Variants in STXBP5 observed in about 807,000 individuals in gnomAD.
STXBP5 encodes syntaxin binding protein 5, also known as syntaxin-binding protein 5.
Under a neutral mutation model 152.4 loss-of-function variants are expected in STXBP5, and 50 were observed. The ratio of observed to expected loss-of-function variants is 0.33; its 90% CI spans 0.26 to 0.42. STXBP5 has a LOEUF of 0.42. Among genes scored for constraint, STXBP5 ranks in the 10% least tolerant of loss-of-function variants. STXBP5 has a pLI of 1.00. For synonymous variants in STXBP5, 492 were observed against 494.7 expected, an observed-to-expected ratio of 0.99 and a Z score of 0.07; for missense variants, 1,167 against 1,388.6, an observed-to-expected ratio of 0.84 and a Z score of 2.54.
intron 8 of STXBP5, among the ~76,000 whole-genome samples, chr6:147,283,403 C>G (rs973001866): frequency 6.6e-6 from 1 of 152,110 alleles, no homozygotes; most frequent in Admixed American, 6.6e-5. Flanking sequence ...AAACCTTTCC[C>G]CAGTTTATGT....
At chr6:147,310,374 T>C in intron 10 of STXBP5, 136 bp downstream of exon 10, 1 of 622,404 alleles carries the variant, frequency 1.6e-6, no homozygotes, top group Admixed American at 4.1e-5. Context: ...GCATTCATAA[T>C]CTACAAACTT....
intron 1 of STXBP5, among the ~76,000 whole-genome samples, chr6:147,205,371 C>CATATATACATATATAT (rs1776488909): frequency 2.1e-5 from 3 of 141,862 alleles, no homozygotes; most frequent in Non-Finnish European, 4.6e-5. Context: ...TAAAAGTGTG[C>CATATATACATATATAT]ATATATATAT....
At chr6:147,336,592 A>G (rs772606687) in intron 19 of STXBP5, among the ~76,000 whole-genome samples, 13 of 152,156 alleles carry the variant, frequency 8.5e-5, no homozygotes, top group Non-Finnish European at 1.8e-4. Context: ...ATTAGTAATT[A>G]AATTACAAGC....
At chr6:147,350,298 A>C (rs1008269070) in intron 21 of STXBP5, among the ~76,000 whole-genome samples, 1 of 152,124 alleles carries the variant, frequency 6.6e-6, no homozygotes, top group Non-Finnish European at 1.5e-5. Flanking sequence ...ACTTGAGCTT[A>C]TATAAAAATT....
At chr6:147,239,069 A>C in intron 3 of STXBP5, 101 bp from the exon 4 acceptor site, 1 of 1,024,618 alleles carries the variant, frequency 9.8e-7, no homozygotes, top group East Asian at 2.6e-5. Flanking sequence ...GTTGGCAGAA[A>C]GTTTTGAAAT....
At chr6:147,284,031 A>T (rs1477533908) in intron 8 of STXBP5, among the ~76,000 whole-genome samples, 1 of 152,256 alleles carries the variant, frequency 6.6e-6, no homozygotes, top group Non-Finnish European at 1.5e-5. Context: ...ACTAATTTTA[A>T]TAACATATTC....
intron 10 of STXBP5, among the ~76,000 whole-genome samples, chr6:147,310,529 GTGAT>G (rs5880703): frequency 0.52 from 78,197 of 150,056 alleles, 20,743 homozygotes; most frequent in Middle Eastern, 0.59. Context: ...AGGAGAGAAA[GTGAT>G]TGATTGATTG....
chr6:147,292,362 G>A (rs1374047161), intron 9 of STXBP5: 3 of 384,790 alleles, frequency 7.8e-6, no homozygotes, highest in Admixed American at 6.7e-5. Context: ...TTCATTGTGT[G>A]ACCTGTAGCA....
intron 22 of STXBP5, among the ~76,000 whole-genome samples, chr6:147,356,714 A>G (rs1183788261): frequency 4.6e-5 from 7 of 152,156 alleles, no homozygotes. Flanking sequence ...GGATATTTTT[A>G]ATCTATGAAT....
rs1376012334 is a variant in STXBP5 at position 147,363,585 on chromosome 6, C to T, written c.2796C>T (p.Asn932=). 4 of 1,614,178 alleles carry T rather than the reference C, an allele frequency of 2.5e-6. No individual in the cohort carries two copies. The highest frequency in any genetic ancestry group is 2.2e-5 in the South Asian group (2 of 91,078). ...QAKVISLPTQ[N]CAYKQNITET... Reference sequence around the variant, plus strand: ...AAGTAATCTCACTGCCAACCCAGAACTGTGCTTATAAGCAAAATATTACAG... The same window carrying T: ...AAGTAATCTCACTGCCAACCCAGAATTGTGCTTATAAGCAAAATATTACAG... Residue 932 remains asparagine (N), a synonymous_variant, in exon 24 of 28, where the codon AAC becomes AAT. Transcript: ENST00000321680.
At chr6:147,211,680 A>G (rs1776861608) in intron 2 of STXBP5, among the ~76,000 whole-genome samples, 1 of 152,164 alleles carries the variant, frequency 6.6e-6, no homozygotes, top group East Asian at 1.9e-4. Context: ...TCCACCTTCT[A>G]GGCTCAAGCA....
chr6:147,358,741 G>C (rs554151152), intron 22 of STXBP5, among the ~76,000 whole-genome samples: 1 of 152,204 alleles, frequency 6.6e-6, no homozygotes, highest in South Asian at 2.1e-4. Flanking sequence ...ATGTTATTAA[G>C]AAAATCATAA....
At chr6:147,250,423 G>A (rs987921537) in intron 4 of STXBP5, among the ~76,000 whole-genome samples, 1 of 152,102 alleles carries the variant, frequency 6.6e-6, no homozygotes, top group African/African-American at 2.4e-5. Context: ...AAAAAAAATA[G>A]TATATTTGCA....
rs1249365684 is a variant in STXBP5, at chr6:147,388,014, G to A, written c.*3259G>A. 1.3e-5 allele frequency: 2 copies of A among 151,764 alleles called. No individual in the cohort carries two copies. The highest frequency in any genetic ancestry group is 3.0e-5 in the Non-Finnish European group (2 of 67,778). 9.4% of individuals were successfully genotyped at this position (151,764 alleles called of 1,614,324 possible). A position where few individuals can be genotyped will look rare whatever the true frequency, so the allele number is the denominator to read the frequency against. ...ATGTTTTGCTTAAGGCATTTCTCAT[G>A]TGACATTAGAAAAGCTATATCCAAA... On this transcript the variant is annotated 3_prime_UTR_variant, in exon 28 of 28. Coordinates refer to ENST00000321680, the MANE Select transcript of STXBP5 (RefSeq NM_001127715.4).
At chr6:147,311,642 C>G (rs530164524) in intron 11 of STXBP5, 115 bp downstream of exon 11, 3 of 741,492 alleles carry the variant, frequency 4.0e-6, no homozygotes, top group Non-Finnish European at 6.5e-6. Context: ...TATCCATAAC[C>G]TTGACCTCTT....
intron 12 of STXBP5, 50 bp downstream of exon 12, chr6:147,314,081 A>G (rs944754638): frequency 3.9e-6 from 6 of 1,522,622 alleles, no homozygotes; most frequent in Admixed American, 2.0e-5. Flanking sequence ...TATTTATTCT[A>G]TATTTATCAC....
At chr6:147,350,757 C>T (rs1784554044) in intron 21 of STXBP5, among the ~76,000 whole-genome samples, 1 of 152,008 alleles carries the variant, frequency 6.6e-6, no homozygotes, top group Non-Finnish European at 1.5e-5. Context: ...GTTTATATCT[C>T]ACCTTATTAT....
chr6:147,337,180 T>TAC (rs1783868531), intron 19 of STXBP5, among the ~76,000 whole-genome samples: 1 of 49,780 alleles, frequency 2.0e-5, no homozygotes, highest in Admixed American at 2.2e-4. Context: ...TATATATATA[T>TAC]ACACATACAT....
At chr6:147,248,986 C>T (rs1212100146) in intron 4 of STXBP5, among the ~76,000 whole-genome samples, 1 of 152,116 alleles carries the variant, frequency 6.6e-6, no homozygotes, top group Non-Finnish European at 1.5e-5. Context: ...TAGGAGCATA[C>T]CCCCTGACAG....
Sources: gnomAD v4.1 joint callset for allele counts (sites outside exome capture counted in the v4.1 genomes callset) on GRCh38, gnomAD v4.1.1 for gene constraint, MANE v1.5 for transcripts, NCBI Gene and HGNC (gene_info 2026-07-23, HGNC 2026-07-21) for gene names.